The following SPEF2 variants were observed in gnomAD, a reference collection of about 807,000 sequenced individuals.
SPEF2 encodes sperm flagella and cilia-associated protein 2.
A neutral mutation model predicts 224.6 loss-of-function variants in SPEF2; 187 were observed. The observed-to-expected ratio is 0.83, with a 90% CI of 0.74 to 0.94. The LOEUF is 0.94. Among genes scored for constraint, SPEF2 ranks in the 40% least tolerant of loss-of-function variants. The pLI is 0.00. For missense variants in SPEF2, 2,170 were observed against 2,135.6 expected (o/e 1.02, Z -0.32); for synonymous variants, 715 against 707.3 (o/e 1.01, Z -0.17).
At chr5:35,787,970 TGG>T in intron 30 of SPEF2, 1 of 636,476 alleles carries the variant, frequency 1.6e-6, no homozygotes, top group Admixed American at 2.6e-5. Flanking sequence ...TTTGAAAATT[TGG>T]CTTAAAAAAT....
intron 36 of SPEF2, among the ~76,000 whole-genome samples, chr5:35,812,068 A>C (rs1046973468): frequency 2.0e-5 from 3 of 152,042 alleles, no homozygotes; most frequent in African/African-American, 7.2e-5. Flanking sequence ...GATTACAGGC[A>C]TGAGCCACCG....
At chr5:35,776,529 A>G (rs908132140) in intron 29 of SPEF2, 134 bp downstream of exon 29, 1 of 821,846 alleles carries the variant, frequency 1.2e-6, no homozygotes, top group Non-Finnish European at 1.9e-6. Flanking sequence ...AATCACGTGT[A>G]TAAACAGATA....
intron 2 of SPEF2, among the ~76,000 whole-genome samples, chr5:35,638,801 G>C (rs1006915240): frequency 2.6e-5 from 4 of 152,102 alleles, no homozygotes; most frequent in African/African-American, 9.7e-5. Flanking sequence ...TTTATTCTTT[G>C]TGCTCCAAGC....
In SPEF2 at chr5:35,644,261, A is replaced by C. The variant is rs943690624; in HGVS notation, c.415-94A>C. The C allele has an allele frequency of 5.3e-6, 6 of 1,122,170 alleles. No individual in the cohort carries two copies. In the Admixed American group the frequency reaches 2.0e-4, roughly 37 times the overall value. 69.5% of individuals were successfully genotyped at this position (1,122,170 alleles called of 1,614,324 possible). On this transcript the variant is annotated intron_variant, in intron 3 of 36. Transcript: ENST00000356031. ...AACTATCAACAATAGTAATTTAAAGAATTTCATTTTGAAGACAAATTTTAT... is the reference window on the plus strand; with the variant it reads ...AACTATCAACAATAGTAATTTAAAGCATTTCATTTTGAAGACAAATTTTAT...
intron 26 of SPEF2, among the ~76,000 whole-genome samples, chr5:35,769,377 TA>T (rs900682798): frequency 1.6e-4 from 23 of 148,222 alleles, no homozygotes; most frequent in South Asian, 1.1e-3. Context: ...GGGCATCTGA[TA>T]AAAAAAAGAA....
chr5:35,811,481 G>C (rs976351294), intron 36 of SPEF2, among the ~76,000 whole-genome samples: 2 of 152,136 alleles, frequency 1.3e-5, no homozygotes, highest in African/African-American at 4.8e-5. Flanking sequence ...ACTGGCTTTT[G>C]GTTATGAGAG....
At chr5:35,734,928 T>G (rs1007361253) in intron 21 of SPEF2, among the ~76,000 whole-genome samples, 18 of 151,990 alleles carry the variant, frequency 1.2e-4, no homozygotes, top group African/African-American at 3.6e-4. Flanking sequence ...GCCAGGATGG[T>G]CTCAACTTCC....
At chr5:35,757,087 A>G (rs1229552875) in intron 24 of SPEF2, among the ~76,000 whole-genome samples, 1 of 152,018 alleles carries the variant, frequency 6.6e-6, no homozygotes, top group Non-Finnish European at 1.5e-5. Context: ...TATTAAAAAT[A>G]TTGTTTACTA....
In SPEF2 at chr5:35,792,459, G is replaced by T. The variant is rs959584850; in HGVS notation, c.4554+13G>T. Reference sequence around the variant, plus strand: ...TACCCAACCTGAAGTAAGCTTCTATGTTGTTTGAGTTGTAAAGCTTTAAGC... The same window carrying T: ...TACCCAACCTGAAGTAAGCTTCTATTTTGTTTGAGTTGTAAAGCTTTAAGC... On this transcript the variant is annotated intron_variant, in intron 31 of 36. Coordinates refer to ENST00000356031, the MANE Select transcript of SPEF2 (RefSeq NM_024867.4). 2 of 1,603,838 alleles carry T rather than the reference G, an allele frequency of 1.2e-6. No homozygotes were observed. The highest frequency in any genetic ancestry group is 4.5e-5 in the East Asian group (2 of 44,756).
intron 1 of SPEF2, among the ~76,000 whole-genome samples, chr5:35,622,817 A>AT (rs1399343556): frequency 6.6e-6 from 1 of 152,222 alleles, no homozygotes; most frequent in Non-Finnish European, 1.5e-5. Context: ...CGAAGCAAAA[A>AT]TTTTAAGAAA....
At chr5:35,751,118 T>TATATATATATATATATA (rs1205071419) in intron 23 of SPEF2, among the ~76,000 whole-genome samples, 1 of 87,878 alleles carries the variant, frequency 1.1e-5, no homozygotes, top group African/African-American at 4.2e-5. Flanking sequence ...TATATATATA[T>TATATATATATATATATA]GATGGAATGC....
chr5:35,736,935 T>C (rs957604979), intron 21 of SPEF2, among the ~76,000 whole-genome samples: 4 of 151,890 alleles, frequency 2.6e-5, no homozygotes, highest in Non-Finnish European at 5.9e-5. Context: ...AAAAAAACAC[T>C]GTTGCCATGA....
chr5:35,788,589 A>C (rs1030390823), intron 30 of SPEF2: 2 of 702,846 alleles, frequency 2.8e-6, no homozygotes, highest in Non-Finnish European at 5.2e-6. Flanking sequence ...CTGGCAATAA[A>C]AAATGCCATT....
chr5:35,710,669 C>T (rs1445799154), intron 19 of SPEF2: 1 of 985,306 alleles, frequency 1.0e-6, no homozygotes, highest in Non-Finnish European at 1.2e-6. Flanking sequence ...TAGGTTAAAG[C>T]TCCTCCTCAG....
At chr5:35,708,604 G>GCC (rs1561235874) in intron 18 of SPEF2, among the ~76,000 whole-genome samples, 1 of 10,110 alleles carries the variant, frequency 9.9e-5, no homozygotes, top group African/African-American at 2.8e-4. Flanking sequence ...CCCCACCACA[G>GCC]ACTTCACCAC....
intron 26 of SPEF2, chr5:35,764,471 G>T: frequency 2.3e-6 from 1 of 427,728 alleles, no homozygotes; most frequent in Non-Finnish European, 4.7e-6. Context: ...CCAAGCAGAA[G>T]TGCCACACCA....
At chr5:35,783,921 A>G (rs1355256634) in intron 30 of SPEF2, among the ~76,000 whole-genome samples, 2 of 152,182 alleles carry the variant, frequency 1.3e-5, no homozygotes, top group Non-Finnish European at 2.9e-5. Flanking sequence ...TTGTAAGCCC[A>G]TCGGTACTCA....
intron 30 of SPEF2, among the ~76,000 whole-genome samples, chr5:35,784,181 G>T (rs996766869): frequency 2.0e-5 from 3 of 150,560 alleles, no homozygotes; most frequent in African/African-American, 7.4e-5. Flanking sequence ...AGGCTGGAGT[G>T]CAGTGGCACG....
At chr5:35,779,074 G>A in intron 29 of SPEF2, 43 bp from the exon 30 acceptor site, 3 of 1,434,828 alleles carry the variant, frequency 2.1e-6, no homozygotes, top group Non-Finnish European at 1.9e-6. Flanking sequence ...TAATCTAATA[G>A]TATCTTTCAT....
Sources: gnomAD v4.1 joint callset for allele counts (sites outside exome capture counted in the v4.1 genomes callset) on GRCh38, gnomAD v4.1.1 for gene constraint, MANE v1.5 for transcripts, NCBI Gene and HGNC (gene_info 2026-07-23, HGNC 2026-07-21) for gene names.